The following DPP6 variants were observed in gnomAD, a reference collection of about 807,000 sequenced individuals.
DPP6 encodes dipeptidyl peptidase like 6.
Under a neutral mutation model 122.6 loss-of-function variants are expected in DPP6, and 69 were observed. The ratio of observed to expected loss-of-function variants is 0.56; its 90% confidence interval spans 0.46 to 0.69. DPP6 has a LOEUF of 0.69. Among genes scored for constraint, DPP6 ranks in the 30% least tolerant of loss-of-function variants. The probability of loss-of-function intolerance (pLI) is 0.00; values close to 1 mark genes in which losing one functional copy is unlikely to be tolerated. For synonymous variants in DPP6, 418 were observed against 433.1 expected, an observed-to-expected ratio of 0.97 and a Z score of 0.43; for missense variants, 928 against 1,116.9, an observed-to-expected ratio of 0.83 and a Z score of 2.41.
intron 11 of DPP6, 135 bp downstream of exon 11, chr7:154,794,337 C>T (rs956418904): frequency 2.9e-6 from 4 of 1,361,154 alleles, no homozygotes; most frequent in East Asian, 5.6e-5. Flanking sequence ...GCGGGGAGCC[C>T]GCGGCGCAGA....
chr7:153,877,200 T>A, the DPP6 span, among the ~76,000 whole-genome samples: 1 of 152,164 alleles, frequency 6.6e-6, no homozygotes, highest in Admixed American at 6.5e-5. Flanking sequence ...TTTCTAACAT[T>A]TTGAGTTTTT....
intron 5 of DPP6, among the ~76,000 whole-genome samples, chr7:154,569,348 G>A (rs1463135390): frequency 6.6e-6 from 1 of 151,808 alleles, no homozygotes; most frequent in Non-Finnish European, 1.5e-5. Flanking sequence ...ATTATCCATT[G>A]GTATTCTTTA....
intron 1 of DPP6, among the ~76,000 whole-genome samples, chr7:154,283,027 A>G (rs940385055): frequency 1.3e-5 from 2 of 152,160 alleles, no homozygotes; most frequent in Admixed American, 1.3e-4. Context: ...GAATCAGGAT[A>G]CCTTACCTCC....
At chr7:153,941,653 C>T (rs2129016910) in intron 1 of DPP6, among the ~76,000 whole-genome samples, 1 of 152,320 alleles carries the variant, frequency 6.6e-6, no homozygotes, top group East Asian at 1.9e-4. Flanking sequence ...GGGGTCCATG[C>T]TGCAGCTCTG....
At position 154,673,487 on chromosome 7, in the gene DPP6, T is replaced by A. The variant is rs1484408181; in HGVS notation, c.762+4046T>A. ...GACCCATAGAACATTTCTCCGGTAG[T>A]AATGACTGCAGGGGGAGTGGCCTGT... On this transcript the variant is annotated intron_variant, in intron 7 of 25. Coordinates refer to ENST00000377770, the MANE Select transcript of DPP6 (RefSeq NM_130797.4). Among the ~76,000 whole-genome samples, 4 of 152,174 alleles carry A rather than the reference T, an allele frequency of 2.6e-5. No homozygotes were observed. In the East Asian group the frequency reaches 7.7e-4, roughly 29 times the overall value.
intron 1 of DPP6, among the ~76,000 whole-genome samples, chr7:153,889,660 A>T (rs546486453): frequency 5.9e-5 from 9 of 152,240 alleles, no homozygotes; most frequent in Non-Finnish European, 1.0e-4. Flanking sequence ...TGCTAATTAC[A>T]TTTCTCTCTT....
the DPP6 span, among the ~76,000 whole-genome samples, chr7:153,825,670 C>T: frequency 1.2e-4 from 18 of 152,156 alleles, no homozygotes; most frequent in Middle Eastern, 3.2e-3. Context: ...AGTGATTCTT[C>T]GGCCTCAGCC....
At chr7:154,881,456 GA>G (rs1805380548) in intron 21 of DPP6, among the ~76,000 whole-genome samples, 1 of 152,182 alleles carries the variant, frequency 6.6e-6, no homozygotes. Context: ...CCACGGTTTG[GA>G]GTTAGGTCTC....
At chr7:154,197,856 C>A (rs1400963899) in intron 1 of DPP6, among the ~76,000 whole-genome samples, 2 of 152,114 alleles carry the variant, frequency 1.3e-5, no homozygotes, top group African/African-American at 4.8e-5. Flanking sequence ...GAGCCCAGAC[C>A]GTTGGGAAGG....
chr7:154,853,696 A>T (rs6962284), intron 16 of DPP6, 84 bp from the exon 17 acceptor site: 1 of 1,563,080 alleles, frequency 6.4e-7, no homozygotes, highest in Non-Finnish European at 8.7e-7. Context: ...TCTACGTGGC[A>T]TAAGAAAAGC....
intron 3 of DPP6, among the ~76,000 whole-genome samples, chr7:154,487,349 G>A (rs1440307917): frequency 1.3e-5 from 2 of 152,062 alleles, no homozygotes; most frequent in East Asian, 1.9e-4. Context: ...TGAAGACCCC[G>A]CCGTACTCAG....
chr7:153,909,184 G>A (rs1021488611), intron 1 of DPP6, among the ~76,000 whole-genome samples: 1 of 152,112 alleles, frequency 6.6e-6, no homozygotes, highest in Non-Finnish European at 1.5e-5. Flanking sequence ...GGATGATCTT[G>A]GGTCTTGAAT....
chr7:153,791,107 C>G, the DPP6 span, among the ~76,000 whole-genome samples: 1 of 152,132 alleles, frequency 6.6e-6, no homozygotes, highest in South Asian at 2.1e-4. Context: ...ATAAAAGGCT[C>G]AGAAATATTT....
chr7:154,325,087 G>A (rs751623173), intron 1 of DPP6, among the ~76,000 whole-genome samples: 5 of 151,864 alleles, frequency 3.3e-5, no homozygotes, highest in Admixed American at 2.0e-4. Flanking sequence ...GGCTGGTCTC[G>A]AATTCCTGAC....
At chr7:154,340,787 C>G (rs1809860869) in intron 1 of DPP6, among the ~76,000 whole-genome samples, 1 of 152,210 alleles carries the variant, frequency 6.6e-6, no homozygotes, top group Admixed American at 6.5e-5. Context: ...GTTATTATAC[C>G]TACCTTGCCC....
At chr7:153,802,758 A>C in the DPP6 span, among the ~76,000 whole-genome samples, 2 of 152,242 alleles carry the variant, frequency 1.3e-5, no homozygotes, top group African/African-American at 4.8e-5. Flanking sequence ...TCATTGAAAA[A>C]GAAGCCCCCT....
the DPP6 span, among the ~76,000 whole-genome samples, chr7:153,820,684 G>A: frequency 6.6e-6 from 1 of 152,060 alleles, no homozygotes; most frequent in African/African-American, 2.4e-5. Flanking sequence ...CTGAAGAGCA[G>A]CCGAAAAAAG....
At chr7:154,382,183 G>A (rs1311494390) in intron 1 of DPP6, among the ~76,000 whole-genome samples, 1 of 149,478 alleles carries the variant, frequency 6.7e-6, no homozygotes, top group Non-Finnish European at 1.5e-5. Flanking sequence ...GCTCAAAATC[G>A]TCCGCATTTT....
chr7:153,970,413 A>G (rs7811964), intron 1 of DPP6, among the ~76,000 whole-genome samples: 5,801 of 152,270 alleles, frequency 0.038, 341 homozygotes, highest in African/African-American at 0.13. Context: ...TGTTTTTCAG[A>G]TAGCTTATTC....
Sources: allele counts gnomAD v4.1 joint callset (sites outside exome capture counted in the v4.1 genomes callset), GRCh38; gene constraint gnomAD v4.1.1; transcripts MANE v1.5; gene names NCBI Gene and HGNC (gene_info 2026-07-23, HGNC 2026-07-21).